ANKHD1: variants seen among roughly 807,000 people sequenced by gnomAD.
ANKHD1 encodes ankyrin repeat and KH domain-containing protein 1.
In ANKHD1, 31 loss-of-function variants were observed where a neutral mutation model predicts 230.5. The observed-to-expected ratio is 0.13, with a 90% CI of 0.10 to 0.18. The LOEUF is 0.18. Among genes scored for constraint, ANKHD1 ranks in the 10% least tolerant of loss-of-function variants. ANKHD1 has a pLI of 1.00. For synonymous variants in ANKHD1, 1,074 were observed against 1,117.6 expected (o/e 0.96, Z 0.78); for missense variants, 2,256 against 3,071.3 (o/e 0.73, Z 6.27).
intron 7 of ANKHD1, among the ~76,000 whole-genome samples, chr5:140,450,199 C>T (rs62385224): frequency 2.6e-5 from 4 of 152,150 alleles, no homozygotes; most frequent in Admixed American, 2.6e-4. Context: ...ATAAGCTCAT[C>T]ATTACACATG....
At chr5:140,403,981 C>G (rs1244695697) in intron 1 of ANKHD1, among the ~76,000 whole-genome samples, 1 of 151,984 alleles carries the variant, frequency 6.6e-6, no homozygotes, top group Non-Finnish European at 1.5e-5. Flanking sequence ...ACATTCTGAC[C>G]CTAACATTTT....
intron 15 of ANKHD1, among the ~76,000 whole-genome samples, chr5:140,502,476 A>C (rs928819958): frequency 2.0e-5 from 3 of 152,218 alleles, no homozygotes; most frequent in African/African-American, 7.2e-5. Flanking sequence ...ATTCTGGCAT[A>C]GCACTCTAAT....
chr5:140,474,564 C>G (rs1431982761), intron 10 of ANKHD1, among the ~76,000 whole-genome samples: 2 of 148,990 alleles, frequency 1.3e-5, no homozygotes. Flanking sequence ...TTTTTTCTTA[C>G]AGTGCTCATT....
chr5:140,477,562 T>G (rs1751034736), intron 10 of ANKHD1, among the ~76,000 whole-genome samples: 1 of 152,196 alleles, frequency 6.6e-6, no homozygotes, highest in South Asian at 2.1e-4. Context: ...AAATTACACA[T>G]CAACAATAAA....
At chr5:140,467,885 CT>C (rs1245612747) in intron 10 of ANKHD1, among the ~76,000 whole-genome samples, 2 of 151,874 alleles carry the variant, frequency 1.3e-5, no homozygotes, top group Non-Finnish European at 2.9e-5. Flanking sequence ...CTTACTTGTC[CT>C]TCATTCTTTG....
intron 1 of ANKHD1, among the ~76,000 whole-genome samples, chr5:140,411,665 G>A (rs1472179822): frequency 2.6e-5 from 4 of 151,172 alleles, no homozygotes; most frequent in South Asian, 2.1e-4. Flanking sequence ...GATTATAGGC[G>A]GCCACCACCA....
chr5:140,470,852 G>T (rs775550360), intron 10 of ANKHD1, among the ~76,000 whole-genome samples: 1 of 151,634 alleles, frequency 6.6e-6, no homozygotes, highest in African/African-American at 2.4e-5. Flanking sequence ...GTCCTGAACC[G>T]CTGGGCTCAA....
chr5:140,405,758 G>A (rs1770383414), intron 1 of ANKHD1, among the ~76,000 whole-genome samples: 1 of 151,982 alleles, frequency 6.6e-6, no homozygotes, highest in South Asian at 2.1e-4. Context: ...TCACCCTCCT[G>A]AGTAGCTGGG....
At chr5:140,437,489 G>A (rs989763616) in intron 2 of ANKHD1, among the ~76,000 whole-genome samples, 1 of 152,178 alleles carries the variant, frequency 6.6e-6, no homozygotes, top group Non-Finnish European at 1.5e-5. Context: ...GATCACTTGA[G>A]GTCAGGACTT....
chr5:140,402,347 C>T (rs1186938580), intron 1 of ANKHD1, 74 bp downstream of exon 1: 1 of 1,379,656 alleles, frequency 7.2e-7, no homozygotes, highest in East Asian at 3.0e-5. Flanking sequence ...TGGGCCGGGG[C>T]CATCCTCCCG....
At chr5:140,440,662 TTTTACCAG>T (rs137977037) in intron 4 of ANKHD1, among the ~76,000 whole-genome samples, 191 of 152,366 alleles carry the variant, frequency 1.3e-3, no homozygotes, top group African/African-American at 4.5e-3. Flanking sequence ...TTAACCATGT[TTTTACCAG>T]TTTCTGTCTT....
chr5:140,468,301 A>G (rs770210746), intron 10 of ANKHD1, among the ~76,000 whole-genome samples: 1 of 151,680 alleles, frequency 6.6e-6, no homozygotes, highest in Non-Finnish European at 1.5e-5. Context: ...ACAAAAACGT[A>G]GTTTATCACT....
At position 140,537,084 on chromosome 5, in the gene ANKHD1, A is replaced by G. The variant is rs1425330075; in HGVS notation, c.7028-305A>G. ...GATTATTTAGAGCTAGAATAAAAACAAATGTGGCCTGCTTCCTTTCTAGCA... is the reference window on the plus strand; with the variant it reads ...GATTATTTAGAGCTAGAATAAAAACGAATGTGGCCTGCTTCCTTTCTAGCA... On this transcript the variant is annotated intron_variant, in intron 30 of 33. Coordinates refer to ENST00000360839, the MANE Select transcript of ANKHD1 (RefSeq NM_017747.3). The G allele has an allele frequency of 6.3e-5, 13 of 206,958 alleles. No individual in the cohort carries two copies. In the East Asian group the frequency reaches 1.4e-3, roughly 23 times the overall value. 12.8% of individuals were successfully genotyped at this position (206,958 alleles called of 1,614,324 possible).
intron 1 of ANKHD1, among the ~76,000 whole-genome samples, chr5:140,432,236 C>G (rs1328531508): frequency 2.0e-5 from 3 of 152,218 alleles, no homozygotes; most frequent in Non-Finnish European, 4.4e-5. Context: ...GACTCACTTA[C>G]AGTCACTCCT....
intron 10 of ANKHD1, among the ~76,000 whole-genome samples, chr5:140,469,126 C>T (rs2126990998): frequency 6.6e-6 from 1 of 151,944 alleles, no homozygotes; most frequent in Non-Finnish European, 1.5e-5. Flanking sequence ...CTCCTTCTCT[C>T]CCACCCTCCT....
chr5:140,525,893 G>T, intron 25 of ANKHD1, 103 bp from the exon 26 acceptor site: 2 of 1,290,674 alleles, frequency 1.5e-6, no homozygotes, highest in Non-Finnish European at 1.0e-6. Context: ...AGGAAAATAT[G>T]ATGTAAAACA....
rs1753689382 is a variant in ANKHD1, at chr5:140,528,387, T to C, written c.5441T>C (p.Leu1814Pro). 1 of 1,614,054 alleles carries C rather than the reference T, an allele frequency of 6.2e-7. No homozygotes were observed. The highest frequency in any genetic ancestry group is 1.7e-5 in the Admixed American group (1 of 59,990). ...KNAFPLGAPT[L>P]VTSQATTLST... ...GCATTTCCTTTGGGTGCTCCAACTC[T>C]TGTAACTTCACAGGCAACAACGTTA... Residue 1814 changes from leucine to proline, a missense_variant, in exon 29 of 34, where the codon CTT becomes CCT. This residue lies in a region of ANKHD1 where 778 missense variants were observed against 966.5 expected (regional missense o/e 0.80). Coordinates refer to ENST00000360839, the MANE Select transcript of ANKHD1 (RefSeq NM_017747.3).
At chr5:140,408,582 A>G (rs972496980) in intron 1 of ANKHD1, among the ~76,000 whole-genome samples, 2 of 152,188 alleles carry the variant, frequency 1.3e-5, no homozygotes, top group South Asian at 4.1e-4. Context: ...TCAAAAGCAA[A>G]AGTCATACAG....
chr5:140,458,945 CATATATATAT>C (rs540544442), intron 8 of ANKHD1, 83 bp downstream of exon 8: 41 of 83,838 alleles, frequency 4.9e-4, no homozygotes, highest in African/African-American at 1.9e-3. Context: ...CTACAGCTAG[CATATATATAT>C]ATATATATAT....
Sources: gnomAD v4.1 joint callset for allele counts (sites outside exome capture counted in the v4.1 genomes callset) on GRCh38, gnomAD v4.1.1 for gene constraint, gnomAD v4.1.1 regional missense constraint, MANE v1.5 for transcripts, NCBI Gene and HGNC (gene_info 2026-07-23, HGNC 2026-07-21) for gene names.